The following CASKIN1 variants were observed in gnomAD, a reference collection of about 807,000 sequenced individuals.
The protein encoded by CASKIN1 is caskin-1.
Under a neutral mutation model 117.5 loss-of-function variants are expected in CASKIN1, and 42 were observed. The observed-to-expected ratio is 0.36, with a 90% CI of 0.28 to 0.46. The LOEUF is 0.46. CASKIN1 is among the 20% of genes least tolerant of loss of function. The pLI is 1.00. For synonymous variants in CASKIN1, 1,148 were observed against 961.7 expected (o/e 1.19, Z -3.59); for missense variants, 2,083 against 2,077.3 (o/e 1.00, Z -0.05).
rs1224926125 is a variant in CASKIN1 at position 2,179,389 on chromosome 16, G to C, written c.3776-64C>G. 56 of 1,335,292 alleles carry C rather than the reference G, an allele frequency of 4.2e-5. No individual in the cohort carries two copies. In the East Asian group the frequency reaches 1.4e-3, roughly 33 times the overall value. The allele number at this position is 1,335,292 out of a possible 1,614,324, so 82.7% of individuals were successfully genotyped here. A position where few individuals can be genotyped will look rare whatever the true frequency, so the allele number is the denominator to read the frequency against. On this transcript the variant is annotated intron_variant, in intron 18 of 19. Transcript: ENST00000343516. This position sits in a 1 kb window ranked among gnomAD's most constrained non-coding sequence, Gnocchi z 5.8. ...TTCCGCCGCCGCGCCCCCTGCCCCA[G>C]CCTCCCGCGGCTTCCTCCCCAGCGG... is the stretch of plus-strand genomic sequence containing the variant.
At chr16:2,184,058 G>A in intron 14 of CASKIN1, 117 bp from the exon 15 acceptor site, 8 of 654,358 alleles carry the variant, frequency 1.2e-5, no homozygotes, top group South Asian at 1.2e-4. Context: ...GCCGTCCGCT[G>A]CTCCATCTGC....
chr16:2,187,002 G>C lies in CASKIN1; in HGVS notation c.906C>G (p.Asn302Lys). Residue 302 changes from asparagine (N) to lysine (K), a missense_variant, in exon 9 of 20, where the codon AAC becomes AAG. Physicochemically the swap from Asn to Lys is moderately conservative, Grantham distance 94. Transcript: ENST00000343516. ...YCNNYDLTSL[N>K]VKAGDIITVL... ...CTGTGATGATGTCCCCTGCCTTCAC[G>C]TTGAGGCTGGTCAGGTCGTAATTGT... 6.2e-7 allele frequency: 1 copy of C among 1,613,722 alleles called. No homozygotes were observed. Among genetic ancestry groups the C allele is most frequent in the Non-Finnish European group, 8.5e-7 (1 of 1,179,900 alleles).
intron 1 of CASKIN1, among the ~76,000 whole-genome samples, chr16:2,190,890 G>A (rs2093199817): frequency 6.6e-6 from 1 of 152,248 alleles, no homozygotes; most frequent in East Asian, 1.9e-4. Context: ...AGCCAGTGTG[G>A]ATGAGCAGAA....
In CASKIN1 at chr16:2,187,272, G is replaced by C. The variant is rs147847295; in HGVS notation, c.729C>G (p.Ser243Arg). 7.4e-6 allele frequency: 12 copies of C among 1,613,870 alleles called. No homozygotes were observed. The highest frequency in any genetic ancestry group is 1.0e-5 in the Non-Finnish European group (12 of 1,179,970). The change falls in exon 8 of 20, where the codon AGC becomes AGG. Residue 243 changes from serine (S) to arginine (R), a missense_variant and splice_region_variant. Physicochemically the swap from Ser to Arg is moderately radical, Grantham distance 110 (BLOSUM62 -1). Around this residue, in one of 3 missense-constraint regions of CASKIN1, gnomAD observed 203 missense variants for 338.7 expected, o/e 0.60. Coordinates refer to ENST00000343516, the MANE Select transcript of CASKIN1 (RefSeq NM_020764.4). ...KTEVVRLLLD[S>R]GINAHVRNTY... ...TGTTCCTCACGTGGGCATTGATCCCGCTCTGCACATGTGAGAGATGAGGCT... is the reference window on the plus strand; with the variant it reads ...TGTTCCTCACGTGGGCATTGATCCCCCTCTGCACATGTGAGAGATGAGGCT...
intron 11 of CASKIN1, 52 bp from the exon 12 acceptor site, chr16:2,185,251 C>T (rs1181273071): frequency 6.2e-7 from 1 of 1,602,570 alleles, no homozygotes; most frequent in South Asian, 1.1e-5. Context: ...TGCCTGGCCC[C>T]ACGGTGGTGC....
intron 6 of CASKIN1, 141 bp downstream of exon 6, chr16:2,188,886 C>T: frequency 8.1e-7 from 1 of 1,233,534 alleles, no homozygotes; most frequent in Non-Finnish European, 1.1e-6. Context: ...CCCTGGAGGC[C>T]ATGCCAGAGG....
intron 1 of CASKIN1, among the ~76,000 whole-genome samples, chr16:2,190,756 C>T (rs1426274593): frequency 6.6e-6 from 1 of 152,232 alleles, no homozygotes; most frequent in African/African-American, 2.4e-5. Flanking sequence ...CAATCTGTCT[C>T]TCAGAAGGAT....
chr16:2,196,344 T>C lies in CASKIN1; in HGVS notation c.89A>G (p.Lys30Arg), dbSNP rs2093216022. The change falls in exon 1 of 20, where the codon AAG (lysine) becomes AGG (arginine). Residue 30 changes from lysine (K) to arginine (R), a missense_variant. Lys to Arg is a conservative substitution (Grantham distance 26, BLOSUM62 2). Around this residue, in one of 3 missense-constraint regions of CASKIN1, gnomAD observed 62 missense variants for 49.7 expected, o/e 1.25. Coordinates refer to ENST00000343516, the MANE Select transcript of CASKIN1 (RefSeq NM_020764.4). This position sits in a 1 kb window ranked among gnomAD's most constrained non-coding sequence, Gnocchi z 5.7. ...CCCGCGCCCCCGGCACTCACTGGCC[T>C]TCCCGGGCCGCGGCCTCTGCAGCAG... ...QRLLQRPRPG[K>R]AKLLGSTKKI... 7.9e-7 allele frequency: 1 copy of C among 1,271,066 alleles called. No homozygotes were observed. The highest frequency in any genetic ancestry group is 1.0e-6 in the Non-Finnish European group (1 of 995,092). The allele number at this position is 1,271,066 out of a possible 1,614,324, so 78.7% of individuals were successfully genotyped here.
chr16:2,195,705 G>A (rs1223969518), intron 1 of CASKIN1, among the ~76,000 whole-genome samples: 2 of 152,192 alleles, frequency 1.3e-5, no homozygotes, highest in East Asian at 1.9e-4. Flanking sequence ...CCTGAGCAGG[G>A]CCCCAAGCCC....
At chr16:2,183,220 G>A (rs2093173497) in intron 16 of CASKIN1, among the ~76,000 whole-genome samples, 1 of 152,182 alleles carries the variant, frequency 6.6e-6, no homozygotes, top group Non-Finnish European at 1.5e-5. Context: ...TGCCTGCAGG[G>A]TGTTCCATGC....
chr16:2,182,471 G>A lies in CASKIN1; in HGVS notation c.1630-542C>T, dbSNP rs776439724. ...ACCGAGAAACACCCGATCACTCCCC[G>A]AGCGGCATTCAGGCGTCCACACTTC... is the stretch of plus-strand genomic sequence containing the variant. On this transcript the variant is annotated intron_variant, in intron 16 of 19. Coordinates refer to ENST00000343516, the MANE Select transcript of CASKIN1 (RefSeq NM_020764.4). The surrounding 1 kb of genome is among the most constrained non-coding windows in gnomAD (Gnocchi z 4.1). 5.3e-5 allele frequency among the ~76,000 whole-genome samples: 8 copies of A among 151,718 alleles called. No individual in the cohort carries two copies. The highest frequency in any genetic ancestry group is 8.8e-5 in the Non-Finnish European group (6 of 67,888).
chr16:2,191,272 G>C (rs1443084469), intron 1 of CASKIN1, among the ~76,000 whole-genome samples: 1 of 152,174 alleles, frequency 6.6e-6, no homozygotes, highest in Non-Finnish European at 1.5e-5. Context: ...TGAGGGAGTC[G>C]AGGCACAGGG....
Position 2,190,125 on chromosome 16 carries a change from C to A in CASKIN1, c.192G>T (p.Leu64Phe). The A allele has an allele frequency of 6.2e-7, 1 of 1,612,894 alleles. No homozygotes were observed. The highest frequency in any genetic ancestry group is 8.5e-7 in the Non-Finnish European group (1 of 1,179,860). ...HHAALNGNTE[L>F]ISLLLEAQAA... ...CCTGGGCCTCCAGCAGCAGGCTGAT[C>A]AATTCCGTGTTGCCGTTCAGGGCCG... The change falls in exon 3 of 20, where the codon TTG (leucine) becomes TTT (phenylalanine). Residue 64 changes from leucine to phenylalanine, a missense_variant. Around this residue, in one of 3 missense-constraint regions of CASKIN1, gnomAD observed 203 missense variants for 338.7 expected, o/e 0.60. Coordinates refer to ENST00000343516, the MANE Select transcript of CASKIN1 (RefSeq NM_020764.4).
In CASKIN1 at chr16:2,180,936, A is replaced by G. The variant is rs764130602; in HGVS notation, c.2432T>C (p.Leu811Pro). ...TGACATGGGGCGCTCTGTCGGCGGC[A>G]GCAGCTGCGGGGTGGGCTTCACCTT... ...TAKVKPTPQL[L>P]PPTERPMSPR... The change falls in exon 18 of 20, where the codon CTG becomes CCG. Residue 811 changes from leucine to proline, a missense_variant. Coordinates refer to ENST00000343516, the MANE Select transcript of CASKIN1 (RefSeq NM_020764.4). 3 of 1,461,740 alleles carry G rather than the reference A, an allele frequency of 2.1e-6. No individual in the cohort carries two copies. The highest frequency in any genetic ancestry group is 1.9e-4 in the Middle Eastern group (1 of 5,268). 90.5% of individuals were successfully genotyped at this position (1,461,740 alleles called of 1,614,324 possible).
In CASKIN1 at chr16:2,179,953, TGAC is replaced by T; in HGVS notation, c.3412_3414del (p.Val1138del). On this transcript the variant is annotated inframe_deletion, in exon 18 of 20. Coordinates refer to ENST00000343516, the MANE Select transcript of CASKIN1 (RefSeq NM_020764.4). This position sits in a 1 kb window ranked among gnomAD's most constrained non-coding sequence, Gnocchi z 5.8. ...GTGTCAGACTCGGTCAGGATGAACT[TGAC>T]GTTCTCCTGCTGGTTCTGCTTGGCC... The T allele has an allele frequency of 3.1e-6, 5 of 1,606,792 alleles. No homozygotes were observed. The highest frequency in any genetic ancestry group is 4.2e-6 in the Non-Finnish European group (5 of 1,177,282).
rs2093147184 is a variant in CASKIN1 at position 2,177,895 on chromosome 16, T to TAGC, written c.*652_*654dup. The TAGC allele has an allele frequency of 3.1e-6, 1 of 317,584 alleles. No homozygotes were observed. The highest frequency in any genetic ancestry group is 2.2e-5 in the African/African-American group (1 of 45,466). The allele number at this position is 317,584 out of a possible 1,614,324, so 19.7% of individuals were successfully genotyped here. A position where few individuals can be genotyped will look rare whatever the true frequency, so the allele number is the denominator to read the frequency against. On this transcript the variant is annotated 3_prime_UTR_variant, in exon 20 of 20. Transcript: ENST00000343516. ...CCGGGCCCCAGCCTTCCACCTGTGCTAGCAGCCTGGGGCCTCCACTCTGGC... is the reference window on the plus strand; with the variant it reads ...CCGGGCCCCAGCCTTCCACCTGTGCTAGCAGCAGCCTGGGGCCTCCACTCTGGC...
Position 2,180,557 on chromosome 16 carries a change from G to A in CASKIN1, c.2811C>T (p.Ala937=), listed in dbSNP as rs376019786. 298 of 1,554,382 alleles carry A rather than the reference G, an allele frequency of 1.9e-4. 2 individuals carry two copies. The South Asian group carries it at 3.0e-3, about 16-fold the overall frequency. The change falls in exon 18 of 20, where the codon GCC becomes GCT. Residue 937 remains alanine (A), a synonymous_variant. Coordinates refer to ENST00000343516, the MANE Select transcript of CASKIN1 (RefSeq NM_020764.4). The part of the protein sequence containing the change: ...DKNVNRSQSF[A]VRPRKKGPPP... Reference sequence around the variant, plus strand: ...GGGGCCCCTTCTTTCGGGGCCGCACGGCAAAGGACTGGCTGCGGTTGACGT... The same window carrying A: ...GGGGCCCCTTCTTTCGGGGCCGCACAGCAAAGGACTGGCTGCGGTTGACGT...
chr16:2,187,140 T>A (rs765347472), intron 8 of CASKIN1, 26 bp downstream of exon 8: 7 of 1,612,980 alleles, frequency 4.3e-6, no homozygotes, highest in Non-Finnish European at 5.9e-6. Context: ...CCCCAGCCAC[T>A]GCCCCTCTGC....
chr16:2,187,044 C>A lies in CASKIN1; in HGVS notation c.864G>T (p.Ala288=). ...REASAALQVR[A]TKDYCNNYDL... ...CGTAATTGTTGCAATAATCCTTGGT[C>A]GCCCGGACCTGCAGGGCCGCTGAGG... The change falls in exon 9 of 20, where the codon GCG becomes GCT. Residue 288 remains alanine (A), a synonymous_variant. Transcript: ENST00000343516. 1 of 1,613,662 alleles carries A rather than the reference C, an allele frequency of 6.2e-7. No homozygotes were observed. Among genetic ancestry groups the A allele is most frequent in the South Asian group, 1.1e-5 (1 of 91,066 alleles).
Sources: gnomAD v4.1 joint callset for allele counts (sites outside exome capture counted in the v4.1 genomes callset) on GRCh38, gnomAD v4.1.1 for gene constraint, gnomAD v4.1.1 regional missense constraint, Gnocchi (gnomAD v3.1) non-coding constraint, MANE v1.5 for transcripts, NCBI Gene and HGNC (gene_info 2026-07-23, HGNC 2026-07-21) for gene names.